Variants in KAT6B observed in about 807,000 individuals in gnomAD.
KAT6B encodes lysine acetyltransferase 6B.
Under a neutral mutation model 187.5 loss-of-function variants are expected in KAT6B, and 10 were observed. The ratio of observed to expected loss-of-function variants is 0.05; its 90% CI spans 0.03 to 0.09. The LOEUF is 0.09. Ranked by LOEUF, KAT6B falls within the 10% of genes least tolerant of loss-of-function variation. The probability of loss-of-function intolerance (pLI) is 1.00; values close to 1 mark genes in which losing one functional copy is unlikely to be tolerated. For synonymous variants in KAT6B, 861 were observed against 926.8 expected (o/e 0.93, Z 1.29); for missense variants, 1,952 against 2,558.9 (o/e 0.76, Z 5.12).
At chr10:74,952,312 G>A (rs578086950) in intron 3 of KAT6B, among the ~76,000 whole-genome samples, 37 of 151,870 alleles carry the variant, frequency 2.4e-4, no homozygotes, top group African/African-American at 8.5e-4. Flanking sequence ...CTTTGATCAC[G>A]CCCCCGCTCT....
rs1842104585 is a variant in KAT6B, at chr10:74,975,631, A to G, written c.1294A>G (p.Lys432Glu). The change falls in exon 8 of 18, where the codon AAA (lysine) becomes GAA (glutamate). Residue 432 changes from lysine (K) to glutamate (E), a missense_variant. By Grantham distance (56) the Lys-to-Glu change is moderately conservative. This residue lies in a region of KAT6B where 417 missense variants were observed against 508.9 expected (regional missense o/e 0.82). Transcript: ENST00000287239. ...TACACTTAAAGTTAACAAGAAAACCAAAGGGCTCATTGATGGCCTTACTAA... is the reference window on the plus strand; with the variant it reads ...TACACTTAAAGTTAACAAGAAAACCGAAGGGCTCATTGATGGCCTTACTAA... ...ASTLKVNKKT[K>E]GLIDGLTKFF... 1.6e-5 allele frequency: 26 copies of G among 1,614,164 alleles called. No individual in the cohort carries two copies. The highest frequency in any genetic ancestry group is 2.2e-5 in the Non-Finnish European group (26 of 1,180,038).
intron 11 of KAT6B, chr10:74,984,058 A>G (rs1035306884): frequency 2.6e-5 from 4 of 152,132 alleles, no homozygotes; most frequent in Admixed American, 6.5e-5. Flanking sequence ...GTAATATACT[A>G]CCATTTCCAA....
Position 75,022,165 on chromosome 10 carries a change from A to G in KAT6B, c.3306A>G (p.Glu1102=). 5 of 1,613,566 alleles carry G rather than the reference A, an allele frequency of 3.1e-6. No individual in the cohort carries two copies. The South Asian group carries it at 4.4e-5, about 14-fold the overall frequency. ...EEEEEEEEEE[E]EENIQSSPPR... Reference sequence around the variant, plus strand: ...AAGAAGAGGAAGAAGAAGAAGAAGAAGAAGAAAATATTCAAAGCTCTCCCC... The same window carrying G: ...AAGAAGAGGAAGAAGAAGAAGAAGAGGAAGAAAATATTCAAAGCTCTCCCC... The change falls in exon 16 of 18, where the codon GAA becomes GAG. Residue 1102 remains glutamate (E), a synonymous_variant. Transcript: ENST00000287239.
intron 1 of KAT6B, among the ~76,000 whole-genome samples, chr10:74,830,039 A>G (rs1840629397): frequency 6.6e-6 from 1 of 151,866 alleles, no homozygotes; most frequent in African/African-American, 2.4e-5. Context: ...ACAAAAAAAA[A>G]AGAAAAATAT....
chr10:75,020,483 G>A, intron 13 of KAT6B, 99 bp from the exon 14 acceptor site: 1 of 836,678 alleles, frequency 1.2e-6, no homozygotes, highest in Non-Finnish European at 2.0e-6. Context: ...CTGTTGTGAT[G>A]TTTTTACCTT....
chr10:74,876,826 T>C (rs1209653166), intron 3 of KAT6B, among the ~76,000 whole-genome samples: 1 of 151,598 alleles, frequency 6.6e-6, no homozygotes, highest in Admixed American at 6.6e-5. Flanking sequence ...GGCAGGAGAA[T>C]CGCTTGAACC....
intron 13 of KAT6B, among the ~76,000 whole-genome samples, chr10:75,002,571 G>A (rs1843919770): frequency 1.3e-5 from 2 of 151,912 alleles, no homozygotes; most frequent in Middle Eastern, 6.8e-3. Context: ...AAGTCTATAG[G>A]TTACTACACA....
At chr10:74,900,382 G>A (rs1335377533) in intron 3 of KAT6B, among the ~76,000 whole-genome samples, 1 of 152,232 alleles carries the variant, frequency 6.6e-6, no homozygotes, top group African/African-American at 2.4e-5. Flanking sequence ...CAGAGGATGT[G>A]GTCAGTGCTG....
intron 3 of KAT6B, among the ~76,000 whole-genome samples, chr10:74,912,771 C>T (rs749021249): frequency 1.9e-4 from 29 of 152,152 alleles, no homozygotes; most frequent in Non-Finnish European, 3.5e-4. Flanking sequence ...TTTCTTATTT[C>T]GTGGCATTGC....
intron 7 of KAT6B, among the ~76,000 whole-genome samples, chr10:74,975,005 C>T (rs1415245869): frequency 1.3e-5 from 2 of 152,216 alleles, no homozygotes; most frequent in African/African-American, 4.8e-5. Context: ...CTGGATAACA[C>T]ATATGACTTA....
chr10:74,910,745 G>T (rs1322683401), intron 3 of KAT6B, among the ~76,000 whole-genome samples: 1 of 151,956 alleles, frequency 6.6e-6, no homozygotes, highest in Non-Finnish European at 1.5e-5. Flanking sequence ...GAGGAAGTTT[G>T]TCAAGTACTG....
intron 1 of KAT6B, among the ~76,000 whole-genome samples, chr10:74,837,268 G>A (rs1484212822): frequency 6.6e-6 from 1 of 152,094 alleles, no homozygotes; most frequent in Non-Finnish European, 1.5e-5. Context: ...TTATAAGACC[G>A]TATGATACAA....
intron 10 of KAT6B, among the ~76,000 whole-genome samples, chr10:74,980,871 C>T (rs1030670388): frequency 6.6e-6 from 1 of 152,174 alleles, no homozygotes; most frequent in Admixed American, 6.5e-5. Flanking sequence ...TTCAGCCGTG[C>T]TATTTACTGC....
intron 4 of KAT6B, among the ~76,000 whole-genome samples, chr10:74,960,580 C>T (rs973816671): frequency 3.3e-5 from 5 of 151,272 alleles, no homozygotes; most frequent in African/African-American, 7.3e-5. Context: ...AAACAAAAAT[C>T]GACAGAACAC....
In KAT6B at chr10:75,021,198, T is replaced by A; in HGVS notation, c.2934T>A (p.Asn978Lys). 1 of 1,614,138 alleles carries A rather than the reference T, an allele frequency of 6.2e-7. No individual in the cohort carries two copies. The highest frequency in any genetic ancestry group is 8.5e-7 in the Non-Finnish European group (1 of 1,179,968). The change falls in exon 15 of 18, where the codon AAT becomes AAA. Residue 978 changes from asparagine (N) to lysine (K), a missense_variant. Asn to Lys is a moderately conservative substitution (Grantham distance 94). Around this residue, in one of 9 missense-constraint regions of KAT6B, gnomAD observed 758 missense variants for 891.4 expected, o/e 0.85. Transcript: ENST00000287239. ...MEKLKTCSRA[N>K]ELDPDSLRWT... Reference sequence around the variant, plus strand: ...AGCTGAAAACCTGTTCCAGAGCCAATGAACTTGATCCAGACAGTCTGAGGT... The same window carrying A: ...AGCTGAAAACCTGTTCCAGAGCCAAAGAACTTGATCCAGACAGTCTGAGGT...
chr10:74,922,333 T>C (rs1036764067), intron 3 of KAT6B, among the ~76,000 whole-genome samples: 1 of 152,062 alleles, frequency 6.6e-6, no homozygotes, highest in African/African-American at 2.4e-5. Flanking sequence ...AACTGCAAAA[T>C]TGCTGTTATA....
At chr10:74,844,435 GT>G (rs1356357255) in intron 3 of KAT6B, among the ~76,000 whole-genome samples, 2 of 152,220 alleles carry the variant, frequency 1.3e-5, no homozygotes, top group Non-Finnish European at 2.9e-5. Context: ...CTGACTTCAG[GT>G]GATCCACCCG....
chr10:74,911,272 C>CTTT (rs766011853), intron 3 of KAT6B, among the ~76,000 whole-genome samples: 4 of 137,670 alleles, frequency 2.9e-5, no homozygotes, highest in East Asian at 2.1e-4. Flanking sequence ...CTTTCTTTTT[C>CTTT]TTTTTTTTTT....
chr10:74,974,894 G>A (rs550312358), intron 7 of KAT6B, among the ~76,000 whole-genome samples: 63 of 152,132 alleles, frequency 4.1e-4, no homozygotes, highest in Non-Finnish European at 8.2e-4. Flanking sequence ...TTAAAAAAAA[G>A]TACAAATTTA....
Sources: gnomAD v4.1 joint callset for allele counts (sites outside exome capture counted in the v4.1 genomes callset) on GRCh38, gnomAD v4.1.1 for gene constraint, gnomAD v4.1.1 regional missense constraint, MANE v1.5 for transcripts, NCBI Gene and HGNC (gene_info 2026-07-23, HGNC 2026-07-21) for gene names.